Variants in NCKAP1 observed in about 807,000 individuals in gnomAD.
NCKAP1 encodes nck-associated protein 1.
A neutral mutation model predicts 151.2 loss-of-function variants in NCKAP1; 21 were observed. The observed-to-expected ratio is 0.14, with a 90% CI of 0.10 to 0.20. The LOEUF (loss-of-function observed/expected upper bound fraction) is 0.20. NCKAP1 is among the 10% of genes least tolerant of loss of function. NCKAP1 has a pLI of 1.00. For missense variants in NCKAP1, 933 were observed against 1,352.1 expected (o/e 0.69, Z 4.86); for synonymous variants, 484 against 451.8 (o/e 1.07, Z -0.90).
At chr2:182,990,415 T>C (rs1013604578) in intron 8 of NCKAP1, among the ~76,000 whole-genome samples, 2 of 152,208 alleles carry the variant, frequency 1.3e-5, no homozygotes, top group African/African-American at 4.8e-5. Flanking sequence ...AGCTAGGACT[T>C]AGCCCCAATT....
chr2:182,963,172 A>C (rs1041845110), intron 17 of NCKAP1, among the ~76,000 whole-genome samples: 1 of 152,038 alleles, frequency 6.6e-6, no homozygotes, highest in Non-Finnish European at 1.5e-5. Context: ...GCCCTGTAAA[A>C]CTTTAATAGA....
At chr2:182,948,733 A>G (rs1697156363) in intron 23 of NCKAP1, among the ~76,000 whole-genome samples, 1 of 152,222 alleles carries the variant, frequency 6.6e-6, no homozygotes, top group South Asian at 2.1e-4. Flanking sequence ...GCCATGGTTT[A>G]AGGTTAGCAT....
chr2:182,939,881 A>T (rs1449988778), intron 24 of NCKAP1, among the ~76,000 whole-genome samples: 2 of 152,200 alleles, frequency 1.3e-5, no homozygotes, highest in African/African-American at 2.4e-5. Flanking sequence ...TTTGATTTAT[A>T]TGGGTCATTA....
chr2:182,989,312 G>GT, intron 8 of NCKAP1, 126 bp from the exon 9 acceptor site: 3 of 655,496 alleles, frequency 4.6e-6, no homozygotes, highest in Non-Finnish European at 7.7e-6. Context: ...CTGAGTGACA[G>GT]TAACAATACA....
At chr2:182,949,688 G>T (rs1697177212) in intron 23 of NCKAP1, among the ~76,000 whole-genome samples, 1 of 152,162 alleles carries the variant, frequency 6.6e-6, no homozygotes, top group Non-Finnish European at 1.5e-5. Context: ...CAGCTACTCA[G>T]GAGGCTGAGG....
At position 182,957,559 on chromosome 2, in the gene NCKAP1, G is replaced by A; in HGVS notation, c.1919C>T (p.Ala640Val). ...CTGCTTTTTTGATTTCTTATTCACT[G>A]CTTGACTGATAGTTTTGGCACAATG... Reference protein sequence around the residue: ...PKHCAKTISQAVNKKSKKQTG... With the variant: ...PKHCAKTISQVVNKKSKKQTG... The change falls in exon 19 of 31, where the codon GCA becomes GTA. Residue 640 changes from alanine to valine, a missense_variant. Ala to Val is a moderately conservative substitution (Grantham distance 64, BLOSUM62 0). This residue lies in a region of NCKAP1 where 607 missense variants were observed against 795.0 expected (regional missense o/e 0.76). Transcript: ENST00000361354. 2 of 1,613,544 alleles carry A rather than the reference G, an allele frequency of 1.2e-6. No individual in the cohort carries two copies. Among genetic ancestry groups the A allele is most frequent in the Non-Finnish European group, 1.7e-6 (2 of 1,179,770 alleles).
chr2:182,964,269 T>C (rs556063980), intron 17 of NCKAP1, among the ~76,000 whole-genome samples: 1 of 152,264 alleles, frequency 6.6e-6, no homozygotes, highest in South Asian at 2.1e-4. Context: ...TATTAACAAT[T>C]TAGTAATAAT....
chr2:183,003,175 TTAATAA>T, intron 3 of NCKAP1, 52 bp downstream of exon 3: 2 of 1,259,018 alleles, frequency 1.6e-6, no homozygotes, highest in South Asian at 2.8e-5. Context: ...ATTCACACAA[TTAATAA>T]ACATTTAAAT....
At chr2:183,015,591 G>A (rs948323528) in intron 2 of NCKAP1, among the ~76,000 whole-genome samples, 1 of 151,928 alleles carries the variant, frequency 6.6e-6, no homozygotes, top group Non-Finnish European at 1.5e-5. Context: ...GTATAACTAT[G>A]AAACTGTAAA....
At chr2:182,951,406 T>A (rs1378219536) in intron 23 of NCKAP1, among the ~76,000 whole-genome samples, 1 of 151,506 alleles carries the variant, frequency 6.6e-6, no homozygotes, top group African/African-American at 2.4e-5. Flanking sequence ...CGGTGGCTCA[T>A]GCCTGTAATC....
intron 2 of NCKAP1, among the ~76,000 whole-genome samples, chr2:183,012,601 T>G (rs1698608613): frequency 6.6e-6 from 1 of 150,974 alleles, no homozygotes; most frequent in South Asian, 2.1e-4. Context: ...ATCTTTTTAC[T>G]GTCACTCATC....
chr2:182,946,544 C>T (rs1021631258), intron 23 of NCKAP1, among the ~76,000 whole-genome samples: 4 of 151,672 alleles, frequency 2.6e-5, no homozygotes, highest in Admixed American at 2.6e-4. Context: ...CATGACATGT[C>T]ATTCGCCCAT....
chr2:183,000,368 G>T (rs1211887114), intron 6 of NCKAP1, among the ~76,000 whole-genome samples: 8 of 152,074 alleles, frequency 5.3e-5, no homozygotes, highest in Non-Finnish European at 1.0e-4. Context: ...GAATTTTCAA[G>T]AGCCTGTCAA....
At chr2:182,929,786 C>T (rs1696723323) in intron 27 of NCKAP1, among the ~76,000 whole-genome samples, 3 of 146,806 alleles carry the variant, frequency 2.0e-5, no homozygotes, top group Admixed American at 6.8e-5. Context: ...AACTGATGAA[C>T]TCAAACACCA....
chr2:182,963,724 A>G (rs1168897955), intron 17 of NCKAP1, among the ~76,000 whole-genome samples: 1 of 152,156 alleles, frequency 6.6e-6, no homozygotes, highest in Non-Finnish European at 1.5e-5. Context: ...AAGAAATTTG[A>G]TGGTGAGCAA....
intron 2 of NCKAP1, among the ~76,000 whole-genome samples, chr2:183,006,054 G>C (rs1239514130): frequency 1.3e-5 from 2 of 152,136 alleles, no homozygotes. Context: ...CCAAACTCAA[G>C]TTTTAATTTC....
At chr2:182,990,502 T>C (rs1171585254) in intron 8 of NCKAP1, among the ~76,000 whole-genome samples, 1 of 152,236 alleles carries the variant, frequency 6.6e-6, no homozygotes, top group African/African-American at 2.4e-5. Flanking sequence ...CTTTTTTACC[T>C]TTTGTTATCT....
At chr2:182,939,575 A>G (rs1696952085) in intron 24 of NCKAP1, among the ~76,000 whole-genome samples, 2 of 152,038 alleles carry the variant, frequency 1.3e-5, no homozygotes, top group Admixed American at 6.6e-5. Flanking sequence ...AAATAAACTA[A>G]TAAATTCCAG....
chr2:183,025,063 C>T lies in NCKAP1; in HGVS notation c.109-1147G>A, dbSNP rs185521564. The T allele has an allele frequency of 2.2e-5, 33 of 1,478,620 alleles. No homozygotes were observed. In the African/African-American group the frequency reaches 2.8e-4, roughly 12 times the overall value. The allele number at this position is 1,478,620 out of a possible 1,614,324, so 91.6% of individuals were successfully genotyped here. A position where few individuals can be genotyped will look rare whatever the true frequency, so the allele number is the denominator to read the frequency against. On this transcript the variant is annotated intron_variant, in intron 1 of 30. Coordinates refer to ENST00000361354, the MANE Select transcript of NCKAP1 (RefSeq NM_013436.5). ...ACAATGATTGTCAAACTATGATATA[C>T]GTTTCAGAAGAAAACTTATGCACTG...
Sources: allele counts gnomAD v4.1 joint callset (sites outside exome capture counted in the v4.1 genomes callset), GRCh38; gene constraint gnomAD v4.1.1; regional missense constraint gnomAD v4.1.1; transcripts MANE v1.5; gene names NCBI Gene and HGNC (gene_info 2026-07-23, HGNC 2026-07-21).